Variants in MYL9 observed in about 807,000 individuals in gnomAD.
The protein encoded by MYL9 is myosin light chain 9, also known as myosin regulatory light polypeptide 9.
Under a neutral mutation model 12.8 loss-of-function variants are expected in MYL9, and 7 were observed. The observed-to-expected ratio is 0.55, with a 90% CI of 0.31 to 1.03. MYL9 has a LOEUF of 1.03. Ranked by LOEUF, MYL9 falls within the 50% of genes least tolerant of loss-of-function variation. MYL9 has a pLI of 0.05. For synonymous variants in MYL9, 81 were observed against 87.8 expected (o/e 0.92, Z 0.43); for missense variants, 190 against 242.7 (o/e 0.78, Z 1.44).
In MYL9 at chr20:36,550,501, G is replaced by C. The variant is rs1304562853; in HGVS notation, c.*1252G>C. 6.6e-6 allele frequency: 1 copy of C among 152,520 alleles called. No homozygotes were observed. The highest frequency in any genetic ancestry group is 6.6e-5 in the Admixed American group (1 of 15,260). 9.4% of individuals were successfully genotyped at this position (152,520 alleles called of 1,614,324 possible). A position where few individuals can be genotyped will look rare whatever the true frequency, so the allele number is the denominator to read the frequency against. On this transcript the variant is annotated 3_prime_UTR_variant, in exon 4 of 4. Coordinates refer to ENST00000279022, the MANE Select transcript of MYL9 (RefSeq NM_006097.5). ...CTGCCTGGGTCACCCAATAGGCCTAGGGAAGAGTGAGGGCCGGACCCACCC... is the reference window on the plus strand; with the variant it reads ...CTGCCTGGGTCACCCAATAGGCCTACGGAAGAGTGAGGGCCGGACCCACCC...
Position 36,549,461 on chromosome 20 carries a change from CTCT to C in MYL9, c.*213_*215del. The C allele has an allele frequency of 3.8e-6, 2 of 526,328 alleles. No homozygotes were observed. Among genetic ancestry groups the C allele is most frequent in the Non-Finnish European group, 6.8e-6 (2 of 295,066 alleles). 32.6% of individuals were successfully genotyped at this position (526,328 alleles called of 1,614,324 possible). On this transcript the variant is annotated 3_prime_UTR_variant, in exon 4 of 4. Coordinates refer to ENST00000279022, the MANE Select transcript of MYL9 (RefSeq NM_006097.5). ...TGACCCCAGAGCCCTGGGCTATAGTCTCTGACCCCTCCAAGGAAAGACCACCTT... is the reference window on the plus strand; with the variant it reads ...TGACCCCAGAGCCCTGGGCTATAGTCGACCCCTCCAAGGAAAGACCACCTT...
In MYL9 at chr20:36,544,864, C is replaced by G; in HGVS notation, c.-21C>G. On this transcript the variant is annotated 5_prime_UTR_variant, in exon 2 of 4. Coordinates refer to ENST00000279022, the MANE Select transcript of MYL9 (RefSeq NM_006097.5). ...ACCCCCACCCCTTCCTGCAGGGAAG[C>G]CCCACCCACCAGAAGCCAAGATGTC... is the stretch of plus-strand genomic sequence containing the variant. 1.2e-6 allele frequency: 2 copies of G among 1,603,658 alleles called. No homozygotes were observed. Among genetic ancestry groups the G allele is most frequent in the Non-Finnish European group, 8.5e-7 (1 of 1,173,604 alleles).
chr20:36,546,191 C>T (rs1256143005), intron 2 of MYL9, among the ~76,000 whole-genome samples: 3 of 152,244 alleles, frequency 2.0e-5, no homozygotes, highest in East Asian at 3.8e-4. Flanking sequence ...CCTCCACAGA[C>T]CATGCCCCAA....
chr20:36,541,533 A>G lies in MYL9; in HGVS notation c.-55A>G, dbSNP rs1224564867. The G allele has an allele frequency of 1.3e-5, 2 of 153,040 alleles. No individual in the cohort carries two copies. The highest frequency in any genetic ancestry group is 2.9e-5 in the Non-Finnish European group (2 of 68,864). 9.5% of individuals were successfully genotyped at this position (153,040 alleles called of 1,614,324 possible). On this transcript the variant is annotated 5_prime_UTR_variant, in exon 1 of 4. Transcript: ENST00000279022. The stretch of plus-strand genomic sequence containing the variant: ...ACGGCCGGCCCAGTTCCACGCACCC[A>G]GCGAGCCCAAGCGCCTTCTCCGCAC...
intron 1 of MYL9, 44 bp from the exon 2 acceptor site, chr20:36,544,814 TG>T: frequency 6.6e-7 from 1 of 1,511,744 alleles, no homozygotes; most frequent in Non-Finnish European, 9.0e-7. Context: ...GAAGATTCCC[TG>T]GCCCAGAGTC....
chr20:36,544,794 G>C, intron 1 of MYL9, 65 bp from the exon 2 acceptor site: 2 of 1,406,372 alleles, frequency 1.4e-6, no homozygotes, highest in Non-Finnish European at 9.7e-7. Context: ...AGCCAGTCTG[G>C]GGGAGGCAGG....
At chr20:36,547,579 C>T (rs1280852256) in intron 2 of MYL9, among the ~76,000 whole-genome samples, 1 of 152,224 alleles carries the variant, frequency 6.6e-6, no homozygotes, top group African/African-American at 2.4e-5. Context: ...TGGAGTTAGG[C>T]TGCCTGGGTT....
chr20:36,544,399 A>G (rs1428150031), intron 1 of MYL9, among the ~76,000 whole-genome samples: 2 of 152,040 alleles, frequency 1.3e-5, no homozygotes, highest in African/African-American at 4.8e-5. Flanking sequence ...AGCCCAGGAG[A>G]GCCCTCACTG....
chr20:36,546,950 T>TG (rs1369851630), intron 2 of MYL9, among the ~76,000 whole-genome samples: 1 of 152,170 alleles, frequency 6.6e-6, no homozygotes, highest in Non-Finnish European at 1.5e-5. Context: ...GACTGAGGCC[T>TG]GGTGAGAGAA....
In MYL9 at chr20:36,545,122, A is replaced by C. The variant is rs1426534710; in HGVS notation, c.184+54A>C. Reference sequence around the variant, plus strand: ...TGGATGAGGCCAGGCAGGCTCTGCCAATCATTTACAGGGCACCTCCTGTGT... The same window carrying C: ...TGGATGAGGCCAGGCAGGCTCTGCCCATCATTTACAGGGCACCTCCTGTGT... On this transcript the variant is annotated intron_variant, in intron 2 of 3. Coordinates refer to ENST00000279022, the MANE Select transcript of MYL9 (RefSeq NM_006097.5). 6 of 1,583,162 alleles carry C rather than the reference A, an allele frequency of 3.8e-6. No individual in the cohort carries two copies. In the African/African-American group the frequency reaches 5.4e-5, roughly 14 times the overall value.
intron 1 of MYL9, among the ~76,000 whole-genome samples, chr20:36,543,299 G>C (rs1676601552): frequency 6.6e-6 from 1 of 152,226 alleles, no homozygotes; most frequent in Non-Finnish European, 1.5e-5. Flanking sequence ...GGCTGGCCGG[G>C]ATCCCAGTCC....
rs1170771015 is a variant in MYL9 at position 36,549,409 on chromosome 20, G to C, written c.*160G>C. Reference sequence around the variant, plus strand: ...AAGAAACAGGCCAGGAGAAGTGCGTGCCGAGCTGAGGCAGATGTTCCCACA... The same window carrying C: ...AAGAAACAGGCCAGGAGAAGTGCGTCCCGAGCTGAGGCAGATGTTCCCACA... On this transcript the variant is annotated 3_prime_UTR_variant, in exon 4 of 4. Transcript: ENST00000279022. 2 of 661,622 alleles carry C rather than the reference G, an allele frequency of 3.0e-6. No individual in the cohort carries two copies. 41.0% of individuals were successfully genotyped at this position (661,622 alleles called of 1,614,324 possible).
At chr20:36,546,324 G>A (rs1463822276) in intron 2 of MYL9, among the ~76,000 whole-genome samples, 1 of 152,156 alleles carries the variant, frequency 6.6e-6, no homozygotes, top group Non-Finnish European at 1.5e-5. Flanking sequence ...CTGGGGGAGG[G>A]AGAGTCCAGG....
intron 2 of MYL9, among the ~76,000 whole-genome samples, chr20:36,545,306 G>A (rs1345171915): frequency 6.6e-6 from 1 of 151,848 alleles, no homozygotes; most frequent in Non-Finnish European, 1.5e-5. Flanking sequence ...GACCATCCTG[G>A]CTAACACGGT....
chr20:36,546,385 G>A (rs1033263911), intron 2 of MYL9, among the ~76,000 whole-genome samples: 3 of 152,170 alleles, frequency 2.0e-5, no homozygotes, highest in African/African-American at 7.2e-5. Flanking sequence ...TGAGGCCAGA[G>A]AGTCAGTCCC....
intron 1 of MYL9, among the ~76,000 whole-genome samples, chr20:36,542,946 G>A (rs984246784): frequency 2.0e-5 from 3 of 152,232 alleles, no homozygotes; most frequent in African/African-American, 7.2e-5. Flanking sequence ...GGCCATGCCT[G>A]CCCTAGAGCT....
chr20:36,549,334 C>A lies in MYL9; in HGVS notation c.*85C>A. 1.6e-6 allele frequency: 2 copies of A among 1,225,982 alleles called. No homozygotes were observed. The highest frequency in any genetic ancestry group is 1.5e-5 in the South Asian group (1 of 67,970). 75.9% of individuals were successfully genotyped at this position (1,225,982 alleles called of 1,614,324 possible). The stretch of plus-strand genomic sequence containing the variant: ...TCCATACCAGCTCCCTGCCCATGAC[C>A]CTCGCTCAGGGATCCCCCTTTGAGG... On this transcript the variant is annotated 3_prime_UTR_variant, in exon 4 of 4. Transcript: ENST00000279022.
rs1174928522 is a variant in MYL9 at position 36,549,293 on chromosome 20, T to A, written c.*44T>A. The A allele has an allele frequency of 8.8e-7, 1 of 1,141,362 alleles. No individual in the cohort carries two copies. The highest frequency in any genetic ancestry group is 1.4e-5 in the South Asian group (1 of 69,178). The allele number at this position is 1,141,362 out of a possible 1,614,324, so 70.7% of individuals were successfully genotyped here. A position where few individuals can be genotyped will look rare whatever the true frequency, so the allele number is the denominator to read the frequency against. On this transcript the variant is annotated 3_prime_UTR_variant, in exon 4 of 4. Coordinates refer to ENST00000279022, the MANE Select transcript of MYL9 (RefSeq NM_006097.5). ...CACCCCAGCCCCCGCCAGTCACCCC[T>A]CCCCGCACACACCCGTCCATACCAG...
intron 1 of MYL9, among the ~76,000 whole-genome samples, chr20:36,543,359 C>T (rs1246187775): frequency 6.6e-6 from 1 of 152,194 alleles, no homozygotes; most frequent in Non-Finnish European, 1.5e-5. Context: ...TCAACAGAGT[C>T]ATGGGAGGAA....
Sources: allele counts gnomAD v4.1 joint callset (sites outside exome capture counted in the v4.1 genomes callset), GRCh38; gene constraint gnomAD v4.1.1; transcripts MANE v1.5; gene names NCBI Gene and HGNC (gene_info 2026-07-23, HGNC 2026-07-21).